The following GLI3 variants were observed in gnomAD, a reference collection of about 807,000 sequenced individuals.
GLI3 encodes transcription activator GLI3.
GLI3 carries 20 observed loss-of-function variants against 100.8 expected under a neutral mutation model. That is an observed-to-expected ratio of 0.20 (90% CI 0.14 to 0.29). GLI3 has a LOEUF of 0.29. GLI3 is among the 10% of genes least tolerant of loss of function. GLI3 has a pLI of 1.00. For synonymous variants in GLI3, 938 were observed against 860.5 expected (o/e 1.09, Z -1.58); for missense variants, 2,040 against 2,128.5 (o/e 0.96, Z 0.82).
chr7:41,972,575 C>A lies in GLI3; in HGVS notation c.1865G>T (p.Ser622Ile). 1 of 1,610,150 alleles carries A rather than the reference C, an allele frequency of 6.2e-7. No homozygotes were observed. ...TGTCTTCACATGTTTCCGGAGGGAG[C>A]TTGGGTCTGTGTAACGCTTAGTGCA... ...PGCTKRYTDP[S>I]SLRKHVKTVH... The change falls in exon 13 of 15, where the codon AGC becomes ATC. Residue 622 changes from serine (S) to isoleucine (I), a missense_variant. By Grantham distance (142) the Ser-to-Ile change is moderately radical. Around this residue, in one of 5 missense-constraint regions of GLI3, gnomAD observed 61 missense variants for 150.9 expected, o/e 0.40. Coordinates refer to ENST00000395925, the MANE Select transcript of GLI3 (RefSeq NM_000168.6). The surrounding 1 kb of genome is among the most constrained non-coding windows in gnomAD (Gnocchi z 4.4).
At chr7:42,004,139 T>A (rs182124660) in intron 10 of GLI3, among the ~76,000 whole-genome samples, 1 of 152,146 alleles carries the variant, frequency 6.6e-6, no homozygotes, top group Non-Finnish European at 1.5e-5. Context: ...CCAAACATTA[T>A]CTATGTTAAC....
intron 3 of GLI3, among the ~76,000 whole-genome samples, chr7:42,112,085 G>A (rs1785722557): frequency 6.6e-6 from 1 of 152,180 alleles, no homozygotes; most frequent in African/African-American, 2.4e-5. Context: ...AACAATGACA[G>A]GGGAGATTTT....
chr7:42,026,761 C>G (rs994803479), intron 7 of GLI3, among the ~76,000 whole-genome samples: 2 of 152,214 alleles, frequency 1.3e-5, no homozygotes, highest in Non-Finnish European at 2.9e-5. Context: ...CTCTTAGTTC[C>G]GTATGTTCCT....
chr7:42,082,012 A>T (rs1327655509), intron 3 of GLI3, among the ~76,000 whole-genome samples: 1 of 152,062 alleles, frequency 6.6e-6, no homozygotes, highest in Non-Finnish European at 1.5e-5. Context: ...GAGTTAGTCC[A>T]GCCTGTAGGA....
chr7:42,145,737 T>A (rs993875689), intron 3 of GLI3: 7 of 396,772 alleles, frequency 1.8e-5, no homozygotes, highest in African/African-American at 1.4e-4. Context: ...AGGATGATGA[T>A]GTAGAAGAGA....
chr7:42,159,957 A>G (rs148039814), intron 2 of GLI3, among the ~76,000 whole-genome samples: 206 of 152,310 alleles, frequency 1.4e-3, no homozygotes, highest in African/African-American at 4.8e-3. Context: ...ATGTAGTATA[A>G]TAAGGCAGCA....
intron 3 of GLI3, among the ~76,000 whole-genome samples, chr7:42,086,076 A>G (rs575952286): frequency 2.0e-5 from 3 of 152,378 alleles, no homozygotes; most frequent in Admixed American, 6.5e-5. Context: ...AAGGTCTTCC[A>G]AGGTTTGCCC....
intron 10 of GLI3, among the ~76,000 whole-genome samples, chr7:41,999,732 G>C (rs551544325): frequency 6.6e-6 from 1 of 152,288 alleles, no homozygotes; most frequent in Middle Eastern, 3.4e-3. Flanking sequence ...TCTATCCTCT[G>C]TTTGGTGAAA....
chr7:42,179,255 C>T (rs1369484569), intron 2 of GLI3, among the ~76,000 whole-genome samples: 2 of 152,142 alleles, frequency 1.3e-5, no homozygotes, highest in African/African-American at 4.8e-5. Flanking sequence ...CAACCCCAGC[C>T]ATGTGGAACC....
intron 2 of GLI3, among the ~76,000 whole-genome samples, chr7:42,202,329 C>G (rs1347300235): frequency 3.2e-5 from 1 of 31,442 alleles, no homozygotes; most frequent in African/African-American, 6.3e-5. Context: ...GTCTCTCTCT[C>G]TCTCTCTCTC....
At chr7:41,975,905 T>C (rs1787497309) in intron 12 of GLI3, among the ~76,000 whole-genome samples, 1 of 152,232 alleles carries the variant, frequency 6.6e-6, no homozygotes, top group Non-Finnish European at 1.5e-5. Context: ...ATGAAATACA[T>C]TCTGTTAAGT....
intron 2 of GLI3, among the ~76,000 whole-genome samples, chr7:42,196,281 G>T (rs1209964254): frequency 6.6e-6 from 1 of 152,166 alleles, no homozygotes; most frequent in East Asian, 1.9e-4. Flanking sequence ...AACATAGTTG[G>T]ATTATCTAGG....
At chr7:42,217,094 A>G (rs1788392871) in intron 2 of GLI3, among the ~76,000 whole-genome samples, 1 of 152,226 alleles carries the variant, frequency 6.6e-6, no homozygotes, top group East Asian at 1.9e-4. Flanking sequence ...AGGCAAGGTG[A>G]TTAGACAGAG....
chr7:42,093,376 T>C lies in GLI3; in HGVS notation c.368-16519A>G, dbSNP rs529460748. Among the ~76,000 whole-genome samples, 11 of 112,386 alleles carry C rather than the reference T, an allele frequency of 9.8e-5. No homozygotes were observed. In the East Asian group the frequency reaches 2.2e-3, roughly 23 times the overall value. The allele number at this position is 112,386 out of a possible 152,430, so 73.7% of individuals were successfully genotyped here. A position where few individuals can be genotyped will look rare whatever the true frequency, so the allele number is the denominator to read the frequency against. On this transcript the variant is annotated intron_variant, in intron 3 of 14. Transcript: ENST00000395925. ...CCTGGGCAACAACAGCAAAACAATGTCTCAAAAAAAAAAAAAAAAAAGGTT... is the reference window on the plus strand; with the variant it reads ...CCTGGGCAACAACAGCAAAACAATGCCTCAAAAAAAAAAAAAAAAAAGGTT...
At chr7:42,251,673 A>G (rs540342515) in intron 1 of GLI3, among the ~76,000 whole-genome samples, 1 of 152,082 alleles carries the variant, frequency 6.6e-6, no homozygotes, top group Non-Finnish European at 1.5e-5. Context: ...CTGGATGTTT[A>G]TGTGTATGGC....
intron 3 of GLI3, among the ~76,000 whole-genome samples, chr7:42,092,956 G>A (rs536355600): frequency 6.6e-6 from 1 of 151,898 alleles, no homozygotes; most frequent in African/African-American, 2.4e-5. Flanking sequence ...TGGGATTACA[G>A]ACACCCGCCA....
At chr7:42,049,775 A>C (rs1784316500) in intron 4 of GLI3, among the ~76,000 whole-genome samples, 2 of 152,186 alleles carry the variant, frequency 1.3e-5, no homozygotes, top group African/African-American at 4.8e-5. Context: ...TGGCATGGAT[A>C]ATCAGGGAAC....
intron 10 of GLI3, among the ~76,000 whole-genome samples, chr7:42,012,377 TC>T (rs1298325826): frequency 6.6e-6 from 1 of 151,858 alleles, no homozygotes; most frequent in Non-Finnish European, 1.5e-5. Flanking sequence ...CTTGCTCCTC[TC>T]CCCCCTCCCT....
intron 3 of GLI3, among the ~76,000 whole-genome samples, chr7:42,100,473 C>T (rs1785435975): frequency 6.6e-6 from 1 of 151,980 alleles, no homozygotes; most frequent in Non-Finnish European, 1.5e-5. Context: ...TGGTGGCTCA[C>T]ACCAGTAATC....
Sources: allele counts gnomAD v4.1 joint callset (sites outside exome capture counted in the v4.1 genomes callset), GRCh38; gene constraint gnomAD v4.1.1; regional missense constraint gnomAD v4.1.1; non-coding constraint Gnocchi (gnomAD v3.1); transcripts MANE v1.5; gene names NCBI Gene and HGNC (gene_info 2026-07-23, HGNC 2026-07-21).